The following DIO2 variants were observed in gnomAD, a reference collection of about 807,000 sequenced individuals.
DIO2 encodes iodothyronine deiodinase 2.
A neutral mutation model predicts 21.4 loss-of-function variants in DIO2; 19 were observed. The ratio of observed to expected loss-of-function variants is 0.89; its 90% CI spans 0.62 to 1.30. DIO2 has a LOEUF of 1.30. Ranked by LOEUF, DIO2 falls within the 50% of genes most tolerant of loss-of-function variation. The pLI is 0.00. For synonymous variants in DIO2, 122 were observed against 132.9 expected (o/e 0.92, Z 0.57); for missense variants, 302 against 338.1 (o/e 0.89, Z 0.84).
At position 80,203,235 on chromosome 14, in the gene DIO2, T is replaced by C. The variant is rs780627135; in HGVS notation, c.276A>G (p.Thr92=). ...CATTGCCACTGTTGTCACCTCCTTCTGTACTGGAGACATGCACCACACTGG... is the reference window on the plus strand; with the variant it reads ...CATTGCCACTGTTGTCACCTCCTTCCGTACTGGAGACATGCACCACACTGG... The part of the protein sequence containing the change: ...PNSSVVHVSS[T]EGGDNSGNGT... Residue 92 remains threonine, a synonymous_variant, in exon 2 of 2, where the codon ACA becomes ACG. Coordinates refer to ENST00000438257, the MANE Select transcript of DIO2 (RefSeq NM_013989.5). 2 of 1,609,386 alleles carry C rather than the reference T, an allele frequency of 1.2e-6. No homozygotes were observed. The highest frequency in any genetic ancestry group is 1.1e-5 in the South Asian group (1 of 90,258).
In DIO2 at chr14:80,201,504, T is replaced by C. The variant is rs1259444512; in HGVS notation, c.*1185A>G. The C allele has an allele frequency of 2.0e-5, 3 of 152,316 alleles. No individual in the cohort carries two copies. Among genetic ancestry groups the C allele is most frequent in the East Asian group, 3.9e-4 (2 of 5,180 alleles). 9.4% of individuals were successfully genotyped at this position (152,316 alleles called of 1,614,324 possible). On this transcript the variant is annotated 3_prime_UTR_variant, in exon 2 of 2. Coordinates refer to ENST00000438257, the MANE Select transcript of DIO2 (RefSeq NM_013989.5). Reference sequence around the variant, plus strand: ...ATATACATATATTTGTATGTATGTATGTATGTGTGTATGTACGTATAATTT... The same window carrying C: ...ATATACATATATTTGTATGTATGTACGTATGTGTGTATGTACGTATAATTT...
chr14:80,198,834 A>G lies in DIO2; in HGVS notation c.*3855T>C, dbSNP rs1887595750. 1 of 151,672 alleles carries G rather than the reference A, an allele frequency of 6.6e-6. No homozygotes were observed. The allele number at this position is 151,672 out of a possible 1,614,324, so 9.4% of individuals were successfully genotyped here. On this transcript the variant is annotated 3_prime_UTR_variant, in exon 2 of 2. Transcript: ENST00000438257. ...GCCTTACTTGCAGTCTCCACTGCTG[A>G]GACACATGACAGTGGGGATGTTCTG...
At chr14:80,220,051 TG>T in intron 2 of DIO2, among the ~76,000 whole-genome samples, 1 of 151,946 alleles carries the variant, frequency 6.6e-6, no homozygotes, top group African/African-American at 2.4e-5. Context: ...TGTGTGTGTG[TG>T]TGTGTGTGTG....
chr14:80,211,775 TAAAAAAAAAAAAAAAAAAA>T, upstream of DIO2: 1 of 6,028 alleles, frequency 1.7e-4, no homozygotes, highest in South Asian at 7.2e-3. Context: ...TTTAAGATGT[TAAAAAAAAAAAAAAAAAAA>T]AAAAAAAAAA....
At position 80,202,319 on chromosome 14, in the gene DIO2, A is replaced by G. The variant is rs774557427; in HGVS notation, c.*370T>C. The G allele has an allele frequency of 1.9e-6, 1 of 532,994 alleles. No homozygotes were observed. Among genetic ancestry groups the G allele is most frequent in the Non-Finnish European group, 3.7e-6 (1 of 269,726 alleles). 33.0% of individuals were successfully genotyped at this position (532,994 alleles called of 1,614,324 possible). ...CAATACCCTTTATCTTAACGTAGAC[A>G]GTAGCTTCCCTAATGTAGTAATTAT... is the stretch of plus-strand genomic sequence containing the variant. On this transcript the variant is annotated 3_prime_UTR_variant, in exon 2 of 2. Transcript: ENST00000438257.
chr14:80,220,915 G>GAAAT (rs1350706596), intron 2 of DIO2, among the ~76,000 whole-genome samples: 4 of 152,086 alleles, frequency 2.6e-5, no homozygotes, highest in Non-Finnish European at 5.9e-5. Flanking sequence ...AAGTATTTAT[G>GAAAT]AAATACAGAG....
In DIO2 at chr14:80,202,435, T is replaced by C; in HGVS notation, c.*254A>G. 1.4e-6 allele frequency: 1 copy of C among 715,160 alleles called. No homozygotes were observed. The allele number at this position is 715,160 out of a possible 1,614,324, so 44.3% of individuals were successfully genotyped here. On this transcript the variant is annotated 3_prime_UTR_variant, in exon 2 of 2. Coordinates refer to ENST00000438257, the MANE Select transcript of DIO2 (RefSeq NM_013989.5). ...AATGAACACATGCTGAATTAGCGTTTCTTCCTCTCCATCTTGGGATCTTTT... is the reference window on the plus strand; with the variant it reads ...AATGAACACATGCTGAATTAGCGTTCCTTCCTCTCCATCTTGGGATCTTTT...
intron 1 of DIO2, chr14:80,206,430 T>C (rs916487978): frequency 5.9e-5 from 39 of 656,764 alleles, no homozygotes; most frequent in Non-Finnish European, 7.3e-5. Flanking sequence ...TTCATTCTCA[T>C]CTCCCCATTT....
chr14:80,219,402 G>A (rs1888419413), intron 2 of DIO2: 2 of 151,982 alleles, frequency 1.3e-5, no homozygotes, highest in African/African-American at 4.8e-5. Flanking sequence ...CCAGCATAAA[G>A]ACATGGGATA....
chr14:80,226,838 C>G (rs1888586391), intron 2 of DIO2, among the ~76,000 whole-genome samples: 1 of 152,190 alleles, frequency 6.6e-6, no homozygotes, highest in Non-Finnish European at 1.5e-5. Flanking sequence ...GCTGAGGTCA[C>G]CCATTGGTCA....
chr14:80,224,078 G>A (rs1409205959), intron 2 of DIO2, among the ~76,000 whole-genome samples: 1 of 152,126 alleles, frequency 6.6e-6, no homozygotes, highest in Non-Finnish European at 1.5e-5. Flanking sequence ...TTATATACCT[G>A]CCCCTCTTCT....
chr14:80,221,254 AT>A (rs372523697), intron 2 of DIO2, among the ~76,000 whole-genome samples: 2 of 152,098 alleles, frequency 1.3e-5, no homozygotes, highest in South Asian at 2.1e-4. Context: ...TAGCTAATTG[AT>A]TTTTTTCTCT....
chr14:80,203,748 C>G (rs1887840683), intron 1 of DIO2, among the ~76,000 whole-genome samples: 1 of 152,218 alleles, frequency 6.6e-6, no homozygotes, highest in South Asian at 2.1e-4. Context: ...AAACACCAGG[C>G]AGGACCTTCA....
intron 1 of DIO2, chr14:80,205,697 T>A (rs1430569419): frequency 1.5e-6 from 2 of 1,326,966 alleles, no homozygotes; most frequent in South Asian, 2.4e-5. Context: ...ACAGACTAAT[T>A]TGCCTTGGGA....
intron 2 of DIO2, among the ~76,000 whole-genome samples, chr14:80,225,847 C>G (rs1231504217): frequency 6.6e-6 from 1 of 152,152 alleles, no homozygotes; most frequent in Non-Finnish European, 1.5e-5. Flanking sequence ...ATCACTCCAG[C>G]CAACACTGTA....
At chr14:80,204,890 A>C (rs1306273772) in intron 1 of DIO2, among the ~76,000 whole-genome samples, 2 of 152,192 alleles carry the variant, frequency 1.3e-5, no homozygotes, top group Non-Finnish European at 2.9e-5. Flanking sequence ...AAGGTTTGAA[A>C]TAAGCATTAT....
chr14:80,218,957 C>T (rs1888410128), intron 2 of DIO2, among the ~76,000 whole-genome samples: 1 of 152,000 alleles, frequency 6.6e-6, no homozygotes, highest in African/African-American at 2.4e-5. Flanking sequence ...CAGCCCGGGC[C>T]ACAGAGTGAG....
At chr14:80,204,687 C>G (rs550897514) in intron 1 of DIO2, among the ~76,000 whole-genome samples, 1 of 152,268 alleles carries the variant, frequency 6.6e-6, no homozygotes. Context: ...CATATACATA[C>G]AGCCACACAT....
At chr14:80,215,741 A>C (rs867621807), upstream of DIO2, among the ~76,000 whole-genome samples, 6 of 152,214 alleles carry the variant, frequency 3.9e-5, no homozygotes, top group South Asian at 1.2e-3. Flanking sequence ...ATAACGCCTA[A>C]AACAGCGCCG....
Sources: allele counts gnomAD v4.1 joint callset (sites outside exome capture counted in the v4.1 genomes callset), GRCh38; gene constraint gnomAD v4.1.1; transcripts MANE v1.5; gene names NCBI Gene and HGNC (gene_info 2026-07-23, HGNC 2026-07-21).